Variants in NUP133 observed in about 807,000 individuals in gnomAD.
The protein encoded by NUP133 is nuclear pore complex protein Nup133.
A neutral mutation model predicts 146.2 loss-of-function variants in NUP133; 66 were observed. That is an observed-to-expected ratio of 0.45 (90% CI 0.37 to 0.55). The LOEUF is 0.55. Among genes scored for constraint, NUP133 ranks in the 20% least tolerant of loss-of-function variants. The probability of loss-of-function intolerance (pLI) is 0.00; values close to 1 mark genes in which losing one functional copy is unlikely to be tolerated. For synonymous variants in NUP133, 521 were observed against 498.8 expected, an observed-to-expected ratio of 1.04 and a Z score of -0.59; for missense variants, 1,277 against 1,374.8, an observed-to-expected ratio of 0.93 and a Z score of 1.12.
At chr1:229,498,854 T>C (rs1318562477) in intron 5 of NUP133, among the ~76,000 whole-genome samples, 6 of 152,174 alleles carry the variant, frequency 3.9e-5, no homozygotes, top group African/African-American at 1.4e-4. Context: ...TATTTCAGAT[T>C]CAACAAATTA....
In NUP133 at chr1:229,495,676, T is replaced by A. The variant is rs1661638595; in HGVS notation, c.976-111A>T. 3.3e-6 allele frequency: 3 copies of A among 905,990 alleles called. No homozygotes were observed. The African/African-American group carries it at 5.1e-5, about 15-fold the overall frequency. The allele number at this position is 905,990 out of a possible 1,614,324, so 56.1% of individuals were successfully genotyped here. A position where few individuals can be genotyped will look rare whatever the true frequency, so the allele number is the denominator to read the frequency against. On this transcript the variant is annotated intron_variant, in intron 7 of 25. Transcript: ENST00000261396. ...CTTCACCCATAACTCAGTTGCTGAA[T>A]AATGTATACATTAAAAAAAAAATCG...
chr1:229,489,288 T>C (rs2102776863), intron 9 of NUP133, among the ~76,000 whole-genome samples: 1 of 152,302 alleles, frequency 6.6e-6, no homozygotes, highest in South Asian at 2.1e-4. Context: ...GTTGAGTAGC[T>C]GGGACTAGAG....
chr1:229,480,453 A>G (rs1029789417), intron 12 of NUP133, among the ~76,000 whole-genome samples: 14 of 152,250 alleles, frequency 9.2e-5, no homozygotes, highest in African/African-American at 3.4e-4. Flanking sequence ...CAAAACTCTC[A>G]TGAACAAAAG....
intron 12 of NUP133, among the ~76,000 whole-genome samples, chr1:229,479,196 C>T (rs555239089): frequency 6.6e-6 from 1 of 152,336 alleles, no homozygotes; most frequent in Admixed American, 6.5e-5. Context: ...TATTCAAGTC[C>T]TGCAGCTGGC....
At chr1:229,498,408 T>A (rs1220931672) in intron 5 of NUP133, 102 bp from the exon 6 acceptor site, 1 of 748,764 alleles carries the variant, frequency 1.3e-6, no homozygotes, top group African/African-American at 1.8e-5. Flanking sequence ...TTGAAATAAA[T>A]CTAAAAGAAT....
chr1:229,477,481 TATTGA>T (rs1407003475), intron 13 of NUP133, 111 bp downstream of exon 13: 4 of 668,440 alleles, frequency 6.0e-6, no homozygotes, highest in Non-Finnish European at 6.6e-6. Flanking sequence ...TTTTAAAAAA[TATTGA>T]ATTAATATTA....
intron 17 of NUP133, 124 bp from the exon 18 acceptor site, chr1:229,464,999 A>C: frequency 3.6e-6 from 4 of 1,117,040 alleles, no homozygotes; most frequent in Middle Eastern, 2.4e-4. Context: ...ACAGGGATTC[A>C]GGTGATACCT....
intron 12 of NUP133, among the ~76,000 whole-genome samples, chr1:229,478,728 G>C (rs1159214395): frequency 6.6e-6 from 1 of 152,178 alleles, no homozygotes; most frequent in Non-Finnish European, 1.5e-5. Context: ...GGGATACTGA[G>C]AAGGGATGAA....
intron 12 of NUP133, among the ~76,000 whole-genome samples, chr1:229,478,044 C>T (rs1026478129): frequency 9.9e-5 from 15 of 152,044 alleles, no homozygotes; most frequent in African/African-American, 2.9e-4. Flanking sequence ...CTTGAGGTGA[C>T]GGATATCCCA....
intron 15 of NUP133, among the ~76,000 whole-genome samples, chr1:229,468,356 T>C (rs888535796): frequency 2.6e-5 from 4 of 152,140 alleles, no homozygotes; most frequent in Admixed American, 6.5e-5. Context: ...TATATGCATA[T>C]AGCTATTGTA....
chr1:229,447,833 G>C (rs992225312), intron 24 of NUP133, among the ~76,000 whole-genome samples: 1 of 152,136 alleles, frequency 6.6e-6, no homozygotes, highest in South Asian at 2.1e-4. Context: ...TTTCAGATGC[G>C]TTAGAATCAG....
rs1200641956 is a variant in NUP133, at chr1:229,445,097, T to G, written c.3246-95A>C. 3.4e-6 allele frequency: 3 copies of G among 890,686 alleles called. No homozygotes were observed. The East Asian group carries it at 7.3e-5, about 22-fold the overall frequency. The allele number at this position is 890,686 out of a possible 1,614,324, so 55.2% of individuals were successfully genotyped here. On this transcript the variant is annotated intron_variant, in intron 24 of 25. Transcript: ENST00000261396. ...TATCATGGTTTTATTTTGATGGCTG[T>G]GGGGGATGGAGAATCTGAGTTTTGT...
At chr1:229,480,400 T>C (rs1661180174) in intron 12 of NUP133, among the ~76,000 whole-genome samples, 1 of 152,052 alleles carries the variant, frequency 6.6e-6, no homozygotes. Context: ...AATACAAAGG[T>C]GACTATGGCA....
At chr1:229,487,838 ATTTTTTTTTT>A (rs10565327) in intron 9 of NUP133, among the ~76,000 whole-genome samples, 1 of 118,154 alleles carries the variant, frequency 8.5e-6, no homozygotes, top group Non-Finnish European at 1.7e-5. Flanking sequence ...TGCTTTTTTA[ATTTTTTTTTT>A]TTTTTTTTTT....
At chr1:229,504,475 G>A (rs1216417288) in intron 2 of NUP133, among the ~76,000 whole-genome samples, 3 of 152,158 alleles carry the variant, frequency 2.0e-5, no homozygotes, top group East Asian at 1.9e-4. Flanking sequence ...GCCTTTCTAA[G>A]CTTGTGTTGA....
intron 11 of NUP133, among the ~76,000 whole-genome samples, chr1:229,485,509 T>C (rs1661327004): frequency 6.6e-6 from 1 of 152,136 alleles, no homozygotes; most frequent in South Asian, 2.1e-4. Flanking sequence ...CAAAGTTCTA[T>C]AATAAAGGAC....
intron 15 of NUP133, among the ~76,000 whole-genome samples, chr1:229,468,579 T>C (rs1477960414): frequency 6.6e-6 from 1 of 152,192 alleles, no homozygotes; most frequent in Non-Finnish European, 1.5e-5. Flanking sequence ...TCTATATGTA[T>C]CCAACTGATA....
rs368527978 is a variant in NUP133, at chr1:229,499,779, G to C, written c.553C>G (p.Arg185Gly). ...VMVATREGSI[R>G]YWPSLAGEDT... ...TCACCAGCAAGGCTTGGCCAATAGC[G>C]GATAGATCCTTCTCTGGTGGCAACC... Residue 185 changes from arginine to glycine, a missense_variant, in exon 5 of 26, where the codon CGC becomes GGC. By Grantham distance (125) the Arg-to-Gly change is moderately radical. This residue lies in a region of NUP133 where 319 missense variants were observed against 306.9 expected (regional missense o/e 1.04). Coordinates refer to ENST00000261396, the MANE Select transcript of NUP133 (RefSeq NM_018230.3). The C allele has an allele frequency of 6.2e-7, 1 of 1,613,876 alleles. No individual in the cohort carries two copies. The highest frequency in any genetic ancestry group is 1.7e-5 in the Admixed American group (1 of 59,994).
intron 12 of NUP133, among the ~76,000 whole-genome samples, chr1:229,481,267 A>G (rs1571927418): frequency 2.0e-5 from 3 of 152,194 alleles, no homozygotes; most frequent in Admixed American, 2.0e-4. Context: ...AAACATCTTA[A>G]GATGACTACA....
Sources: gnomAD v4.1 joint callset for allele counts (sites outside exome capture counted in the v4.1 genomes callset) on GRCh38, gnomAD v4.1.1 for gene constraint, gnomAD v4.1.1 regional missense constraint, MANE v1.5 for transcripts, NCBI Gene and HGNC (gene_info 2026-07-23, HGNC 2026-07-21) for gene names.